The following ADAMTSL1 variants were observed in gnomAD, a reference collection of about 807,000 sequenced individuals.
ADAMTSL1 encodes the protein ADAMTS like 1, also known as ADAMTS-like protein 1.
Under a neutral mutation model 201.8 loss-of-function variants are expected in ADAMTSL1, and 126 were observed. The ratio of observed to expected loss-of-function variants is 0.62; its 90% CI spans 0.54 to 0.72. The LOEUF (loss-of-function observed/expected upper bound fraction) is 0.72. ADAMTSL1 is among the 30% of genes least tolerant of loss of function. ADAMTSL1 has a pLI of 0.00. For synonymous variants in ADAMTSL1, 1,121 were observed against 903.4 expected (o/e 1.24, Z -4.32); for missense variants, 2,679 against 2,277.8 (o/e 1.18, Z -3.59).
chr9:18,490,303 A>G (rs747278122), intron 1 of ADAMTSL1, among the ~76,000 whole-genome samples: 4 of 151,940 alleles, frequency 2.6e-5, no homozygotes, highest in Admixed American at 6.6e-5. Context: ...CAGAAGCAGA[A>G]TAGGTGGCAG....
chr9:18,360,427 G>C (rs1002221708), intron 2 of ADAMTSL1, among the ~76,000 whole-genome samples: 7 of 152,192 alleles, frequency 4.6e-5, no homozygotes, highest in Non-Finnish European at 8.8e-5. Context: ...TAAGATTCTG[G>C]GCAAGATTTT....
At chr9:18,865,027 T>C (rs557142888) in intron 23 of ADAMTSL1, among the ~76,000 whole-genome samples, 115 of 152,314 alleles carry the variant, frequency 7.6e-4, no homozygotes, top group African/African-American at 2.7e-3. Context: ...GAATATTTTG[T>C]TATATTTTTC....
intron 4 of ADAMTSL1, among the ~76,000 whole-genome samples, chr9:18,599,423 C>T (rs1411348772): frequency 6.6e-6 from 1 of 152,166 alleles, no homozygotes; most frequent in Admixed American, 6.6e-5. Context: ...GAGGTAGGAT[C>T]ATCTTGTCAG....
At chr9:18,822,415 C>T (rs1455323187) in intron 21 of ADAMTSL1, among the ~76,000 whole-genome samples, 5 of 152,190 alleles carry the variant, frequency 3.3e-5, no homozygotes, top group African/African-American at 4.8e-5. Context: ...AAGCCTTTGA[C>T]AGTTCAGAAA....
intron 13 of ADAMTSL1, among the ~76,000 whole-genome samples, chr9:18,686,674 CG>C (rs1392086302): frequency 6.6e-6 from 1 of 152,124 alleles, no homozygotes; most frequent in African/African-American, 2.4e-5. Flanking sequence ...TGGACTAAAG[CG>C]TAATCCTATG....
intron 1 of ADAMTSL1, among the ~76,000 whole-genome samples, chr9:18,072,396 T>C (rs1823009461): frequency 6.6e-6 from 1 of 152,174 alleles, no homozygotes; most frequent in South Asian, 2.1e-4. Flanking sequence ...CCCTGCAGTA[T>C]TGGATCATTT....
chr9:18,078,027 A>G (rs189175643), intron 1 of ADAMTSL1, among the ~76,000 whole-genome samples: 22 of 152,222 alleles, frequency 1.4e-4, no homozygotes, highest in African/African-American at 4.8e-4. Flanking sequence ...GAGGAAGGAG[A>G]GTTGAACTGA....
chr9:18,595,869 T>C (rs1204641173), intron 4 of ADAMTSL1, among the ~76,000 whole-genome samples: 1 of 152,182 alleles, frequency 6.6e-6, no homozygotes, highest in Non-Finnish European at 1.5e-5. Context: ...GCAGAGCAGA[T>C]CTGTCAGCTG....
At chr9:18,066,604 G>A (rs979722425) in intron 1 of ADAMTSL1, among the ~76,000 whole-genome samples, 1 of 152,072 alleles carries the variant, frequency 6.6e-6, no homozygotes, top group African/African-American at 2.4e-5. Context: ...TAGGTATGTT[G>A]TTGAAATATT....
At position 18,057,517 on chromosome 9, in the gene ADAMTSL1, T is replaced by C. The variant is rs150111965; in HGVS notation, c.88-106345T>C. Among the ~76,000 whole-genome samples, 9 of 152,310 alleles carry C rather than the reference T, an allele frequency of 5.9e-5. No individual in the cohort carries two copies. The East Asian group carries it at 1.7e-3, about 29-fold the overall frequency. The stretch of plus-strand genomic sequence containing the variant: ...GACTTGCAAATTTCCTTACCCTAGC[T>C]GAGGGATATTTGTGACTAGCGTTAC... On this transcript the variant is annotated intron_variant, in intron 1 of 29. Coordinates refer to the ADAMTSL1 transcript ENST00000680146.
intron 2 of ADAMTSL1, among the ~76,000 whole-genome samples, chr9:18,355,535 A>C (rs1836181636): frequency 6.6e-6 from 1 of 152,190 alleles, no homozygotes; most frequent in African/African-American, 2.4e-5. Context: ...GTATTTCTAT[A>C]GTGTTAATGA....
At position 18,906,917 on chromosome 9, in the gene ADAMTSL1, G is replaced by C; in HGVS notation, c.5182+5G>C. 1 of 1,613,842 alleles carries C rather than the reference G, an allele frequency of 6.2e-7. No individual in the cohort carries two copies. The highest frequency in any genetic ancestry group is 8.5e-7 in the Non-Finnish European group (1 of 1,179,802). ...ACATCACCCCATGTGAAAACAGTAT[G>C]TTCCAACCCCAAAGAACCTTCTGCA... On this transcript the variant is annotated splice_donor_5th_base_variant and intron_variant, in intron 28 of 28. Coordinates refer to ENST00000380548, the MANE Select transcript of ADAMTSL1 (RefSeq NM_001040272.6).
Position 18,756,379 on chromosome 9 carries a change from T to A in ADAMTSL1, c.2217+2871T>A, listed in dbSNP as rs569138070. ...ATTTGTCTTACATTATTTACTGGAA[T>A]CCAACTTCTTTGGCTAAGTTTTGTT... On this transcript the variant is annotated intron_variant, in intron 16 of 28. Transcript: ENST00000380548. Among the ~76,000 whole-genome samples the A allele has an allele frequency of 2.4e-4, 36 of 151,394 alleles. No individual in the cohort carries two copies. In the South Asian group the frequency reaches 6.9e-3, roughly 29 times the overall value.
At chr9:17,967,173 A>G (rs1296887840) in intron 1 of ADAMTSL1, among the ~76,000 whole-genome samples, 1 of 152,102 alleles carries the variant, frequency 6.6e-6, no homozygotes, top group Non-Finnish European at 1.5e-5. Flanking sequence ...TGTAGGTAGG[A>G]AATAAACAAA....
rs117327286 is a variant in ADAMTSL1 at position 18,460,378 on chromosome 9, A to G, written c.208-44451A>G. The stretch of plus-strand genomic sequence containing the variant: ...TACAGCATGCAGAGTATCTGCCTGA[A>G]CAGCCAGGTCCTTTTCAATTTCAAC... On this transcript the variant is annotated intron_variant, in intron 2 of 29. Transcript: ENST00000680146. 3.1e-4 allele frequency among the ~76,000 whole-genome samples: 47 copies of G among 152,306 alleles called. 1 individual carries two copies. In the East Asian group the frequency reaches 9.1e-3, roughly 29 times the overall value.
chr9:18,058,361 C>A (rs566105810), intron 1 of ADAMTSL1, among the ~76,000 whole-genome samples: 1 of 152,288 alleles, frequency 6.6e-6, no homozygotes, highest in Non-Finnish European at 1.5e-5. Flanking sequence ...GATGGGCACA[C>A]TGCCTTCCTG....
At chr9:18,517,706 A>G (rs1023891067) in intron 2 of ADAMTSL1, among the ~76,000 whole-genome samples, 7 of 152,274 alleles carry the variant, frequency 4.6e-5, no homozygotes, top group African/African-American at 1.4e-4. Flanking sequence ...ACTGAGAATG[A>G]TGATTTCCAA....
At chr9:18,609,168 C>G (rs1047207970) in intron 4 of ADAMTSL1, among the ~76,000 whole-genome samples, 1 of 152,042 alleles carries the variant, frequency 6.6e-6, no homozygotes, top group Non-Finnish European at 1.5e-5. Context: ...GATAGTTACT[C>G]GATTGTATAT....
intron 2 of ADAMTSL1, among the ~76,000 whole-genome samples, chr9:18,336,443 A>G (rs565022938): frequency 9.2e-5 from 14 of 152,262 alleles, no homozygotes; most frequent in Non-Finnish European, 2.1e-4. Context: ...TACTTAGATT[A>G]TTTCAGTTTT....
Sources: allele counts gnomAD v4.1 joint callset (sites outside exome capture counted in the v4.1 genomes callset), GRCh38; gene constraint gnomAD v4.1.1; transcripts MANE v1.5; gene names NCBI Gene and HGNC (gene_info 2026-07-23, HGNC 2026-07-21).